POLR1E: variants seen among roughly 807,000 people sequenced by gnomAD.
POLR1E encodes RNA polymerase I subunit E.
POLR1E carries 37 observed loss-of-function variants against 50.9 expected under a neutral mutation model. That is an observed-to-expected ratio of 0.73 (90% CI 0.56 to 0.96). The LOEUF is 0.96. Among genes scored for constraint, POLR1E ranks in the 40% least tolerant of loss-of-function variants. The pLI, the probability that POLR1E is intolerant of heterozygous loss-of-function variation, is 0.00. For missense variants in POLR1E, 426 were observed against 518.1 expected (o/e 0.82, Z 1.73); for synonymous variants, 166 against 191.6 (o/e 0.87, Z 1.10).
chr9:37,485,985 T>C lies in POLR1E; in HGVS notation c.-63T>C. 1.3e-6 allele frequency: 2 copies of C among 1,562,136 alleles called. No individual in the cohort carries two copies. The highest frequency in any genetic ancestry group is 1.7e-6 in the Non-Finnish European group (2 of 1,152,224). On this transcript the variant is annotated 5_prime_UTR_variant, in exon 1 of 12. Transcript: ENST00000377798. ...GCAGCGCGGCCTGGGCTCCCGCGTG[T>C]TTAAAAGTGCGCTTGTGGCTGCTGC...
chr9:37,500,482 G>A (rs1030632630), intron 9 of POLR1E, among the ~76,000 whole-genome samples: 3 of 152,148 alleles, frequency 2.0e-5, no homozygotes, highest in African/African-American at 7.2e-5. Flanking sequence ...ACCGCGCCTG[G>A]CCACTTAGTT....
At chr9:37,499,882 G>C (rs1166941342) in intron 9 of POLR1E, among the ~76,000 whole-genome samples, 2 of 147,478 alleles carry the variant, frequency 1.4e-5, no homozygotes, top group South Asian at 2.1e-4. Flanking sequence ...ACAGAGTCTC[G>C]CTCTGTCGCC....
At position 37,493,545 on chromosome 9, in the gene POLR1E, T is replaced by C; in HGVS notation, c.403-14T>C. On this transcript the variant is annotated splice_polypyrimidine_tract_variant and intron_variant, in intron 5 of 11. Transcript: ENST00000377798. ...CTGTCCTGTCCCCAGTAACCAGGTT[T>C]ATCTCATAAACAGATGGATTCTTGT... The C allele has an allele frequency of 6.3e-7, 1 of 1,579,330 alleles. No homozygotes were observed.
intron 2 of POLR1E, among the ~76,000 whole-genome samples, 160 bp downstream of exon 2, chr9:37,486,966 T>C (rs949614705): frequency 1.3e-5 from 2 of 152,178 alleles, no homozygotes; most frequent in Admixed American, 6.5e-5. Flanking sequence ...GGGGACAGGC[T>C]CCATCTTTCA....
intron 4 of POLR1E, among the ~76,000 whole-genome samples, chr9:37,489,826 G>A (rs80258440): frequency 0.11 from 16,051 of 152,160 alleles, 902 homozygotes; most frequent in East Asian, 0.16. Context: ...CACCTGCCTC[G>A]GCCTCCCAAA....
intron 8 of POLR1E, among the ~76,000 whole-genome samples, chr9:37,497,793 C>G (rs1820810241): frequency 6.6e-6 from 1 of 152,260 alleles, no homozygotes; most frequent in African/African-American, 2.4e-5. Flanking sequence ...GAGACAGGGT[C>G]TTGCTCTGTC....
intron 3 of POLR1E, among the ~76,000 whole-genome samples, chr9:37,488,535 C>T (rs1207991572): frequency 7.2e-6 from 1 of 137,962 alleles, no homozygotes; most frequent in Admixed American, 7.3e-5. Context: ...GACCATACTC[C>T]AATAGAGGAG....
At position 37,500,715 on chromosome 9, in the gene POLR1E, C is replaced by T. The variant is rs1820871461; in HGVS notation, c.887-125C>T. 3 of 677,860 alleles carry T rather than the reference C, an allele frequency of 4.4e-6. No homozygotes were observed. The East Asian group carries it at 8.2e-5, about 19-fold the overall frequency. The allele number at this position is 677,860 out of a possible 1,614,324, so 42.0% of individuals were successfully genotyped here. The stretch of plus-strand genomic sequence containing the variant: ...GCTGTTCTGCTTTGTGTGGGCCCTG[C>T]TTCTCTTACCACCTGGTTCTGGTCA... On this transcript the variant is annotated intron_variant, in intron 9 of 11. Coordinates refer to ENST00000377798, the MANE Select transcript of POLR1E (RefSeq NM_022490.4).
chr9:37,496,004 G>C lies in POLR1E; in HGVS notation c.752+18G>C. 6.3e-7 allele frequency: 1 copy of C among 1,594,238 alleles called. No individual in the cohort carries two copies. The highest frequency in any genetic ancestry group is 2.2e-5 in the East Asian group (1 of 44,774). On this transcript the variant is annotated intron_variant, in intron 8 of 11. Coordinates refer to ENST00000377798, the MANE Select transcript of POLR1E (RefSeq NM_022490.4). The stretch of plus-strand genomic sequence containing the variant: ...GAGAACAGGTACCCTGACTTAAGCA[G>C]ATGGGGATTCTGGGGAGTGCTGTTG...
chr9:37,500,855 G>C lies in POLR1E; in HGVS notation c.902G>C (p.Gly301Ala). Residue 301 changes from glycine (G) to alanine (A), a missense_variant, in exon 10 of 12, where the codon GGA (glycine) becomes GCA (alanine). Physicochemically the swap from Gly to Ala is moderately conservative, Grantham distance 60. Transcript: ENST00000377798. Reference sequence around the variant, plus strand: ...TGTGTTGTAGGTGCTCTGGGACCTGGAGTTCCCCACATCATCAACACCAAA... The same window carrying C: ...TGTGTTGTAGGTGCTCTGGGACCTGCAGTTCCCCACATCATCAACACCAAA... ...VVKRKSALGP[G>A]VPHIINTKLL... 6.2e-7 allele frequency: 1 copy of C among 1,613,552 alleles called. No individual in the cohort carries two copies. Among genetic ancestry groups the C allele is most frequent in the Non-Finnish European group, 8.5e-7 (1 of 1,179,468 alleles).
chr9:37,491,672 C>T (rs983777274), intron 4 of POLR1E, among the ~76,000 whole-genome samples: 1 of 152,036 alleles, frequency 6.6e-6, no homozygotes, highest in Admixed American at 6.6e-5. Context: ...CCATGTTGGC[C>T]AGGCTGGTCT....
At chr9:37,495,640 G>A (rs762838142) in intron 7 of POLR1E, among the ~76,000 whole-genome samples, 14 of 152,208 alleles carry the variant, frequency 9.2e-5, no homozygotes, top group Non-Finnish European at 1.8e-4. Context: ...CACCCAAGGG[G>A]TCCGGTCAGA....
rs1342923940 is a variant in POLR1E, at chr9:37,503,616, C to T, written c.*414C>T. The T allele has an allele frequency of 6.5e-6, 1 of 154,812 alleles. No individual in the cohort carries two copies. The highest frequency in any genetic ancestry group is 1.4e-5 in the Non-Finnish European group (1 of 69,824). The allele number at this position is 154,812 out of a possible 1,614,324, so 9.6% of individuals were successfully genotyped here. A position where few individuals can be genotyped will look rare whatever the true frequency, so the allele number is the denominator to read the frequency against. ...AAGGAAAAAAGAAGCCTTGCTTTAG[C>T]ACAGGTATGAAGCCAGAAGCCAGCA... On this transcript the variant is annotated 3_prime_UTR_variant, in exon 12 of 12. Coordinates refer to ENST00000377798, the MANE Select transcript of POLR1E (RefSeq NM_022490.4).
chr9:37,500,966 G>A (rs747902741), intron 10 of POLR1E, 45 bp downstream of exon 10: 4 of 1,535,692 alleles, frequency 2.6e-6, no homozygotes, highest in Middle Eastern at 2.0e-4. Flanking sequence ...GGAGAAAGTA[G>A]GTGGGGGTTG....
At chr9:37,492,746 T>A in intron 5 of POLR1E, 31 bp downstream of exon 5, 1 of 1,600,946 alleles carries the variant, frequency 6.2e-7, no homozygotes, top group Non-Finnish European at 8.6e-7. Context: ...ATGTGGGACC[T>A]TAAGCAAGTT....
Position 37,487,873 on chromosome 9 carries a change from CAGAT to C in POLR1E, c.194_197del (p.Asp65GlyfsTer27), listed in dbSNP as rs1408079416. The C allele has an allele frequency of 9.3e-6, 15 of 1,614,050 alleles. No individual in the cohort carries two copies. Among genetic ancestry groups the C allele is most frequent in the Non-Finnish European group, 1.1e-5 (13 of 1,180,024 alleles). ...CTCTCTGCATTTTAGGCAGCTGAAA[CAGAT>C]AGGCTCTCCTATGTGGGAAACAATT... On this transcript the variant is annotated frameshift_variant, in exon 3 of 12. Transcript: ENST00000377798. LOFTEE classifies it high-confidence loss of function.
intron 8 of POLR1E, among the ~76,000 whole-genome samples, chr9:37,496,730 G>A (rs1393879803): frequency 6.6e-6 from 1 of 150,410 alleles, no homozygotes; most frequent in Non-Finnish European, 1.5e-5. Flanking sequence ...GTGCAGGAAC[G>A]AACTCTGAGC....
chr9:37,496,025 T>C (rs762322864), intron 8 of POLR1E, 39 bp downstream of exon 8: 5 of 1,504,310 alleles, frequency 3.3e-6, no homozygotes, highest in South Asian at 2.3e-5. Flanking sequence ...TGGGGAGTGC[T>C]GTTGGGACCC....
intron 2 of POLR1E, among the ~76,000 whole-genome samples, 167 bp downstream of exon 2, chr9:37,486,973 T>G (rs541273661): frequency 1.8e-4 from 27 of 152,274 alleles, no homozygotes; most frequent in Non-Finnish European, 3.4e-4. Context: ...GGCTCCATCT[T>G]TCATTCATTT....
Sources: allele counts gnomAD v4.1 joint callset (sites outside exome capture counted in the v4.1 genomes callset), GRCh38; gene constraint gnomAD v4.1.1; transcripts MANE v1.5; gene names NCBI Gene and HGNC (gene_info 2026-07-23, HGNC 2026-07-21).